The following ZMAT5 variants were observed in gnomAD, a reference collection of about 807,000 sequenced individuals.
The protein encoded by ZMAT5 is zinc finger matrin-type 5, also known as zinc finger matrin-type protein 5.
A neutral mutation model predicts 28.0 loss-of-function variants in ZMAT5; 23 were observed. The observed-to-expected ratio is 0.82, with a 90% CI of 0.59 to 1.16. The LOEUF is 1.16. Among genes scored for constraint, ZMAT5 ranks in the 50% most tolerant of loss-of-function variants. The pLI is 0.00. For synonymous variants in ZMAT5, 76 were observed against 84.1 expected (o/e 0.90, Z 0.52); for missense variants, 173 against 212.7 (o/e 0.81, Z 1.16).
chr22:29,734,764 G>A (rs1174680926), intron 5 of ZMAT5, among the ~76,000 whole-genome samples: 1 of 152,226 alleles, frequency 6.6e-6, no homozygotes, highest in Non-Finnish European at 1.5e-5. Flanking sequence ...CACCAGTCAG[G>A]CCAGAGGCAA....
intron 5 of ZMAT5, 60 bp from the exon 6 acceptor site, chr22:29,731,414 C>A: frequency 6.6e-7 from 1 of 1,511,056 alleles, no homozygotes; most frequent in Admixed American, 2.7e-5. Flanking sequence ...GCTTATGCCA[C>A]CCCCAGCCCA....
intron 1 of ZMAT5, among the ~76,000 whole-genome samples, chr22:29,755,559 C>G (rs1037815933): frequency 6.6e-6 from 1 of 152,024 alleles, no homozygotes; most frequent in Non-Finnish European, 1.5e-5. Flanking sequence ...CTTGGCACTT[C>G]GCTTTCATTC....
intron 2 of ZMAT5, among the ~76,000 whole-genome samples, chr22:29,744,634 T>C (rs2067993463): frequency 6.6e-6 from 1 of 152,138 alleles, no homozygotes; most frequent in Non-Finnish European, 1.5e-5. Context: ...GCCTGGGTCC[T>C]ATACAAGGGG....
intron 5 of ZMAT5, among the ~76,000 whole-genome samples, chr22:29,734,117 G>C (rs2067881123): frequency 6.6e-6 from 1 of 152,250 alleles, no homozygotes. Flanking sequence ...AAGAGGGATA[G>C]AGTCGCAAAC....
chr22:29,764,603 C>T (rs1260805043), intron 1 of ZMAT5, among the ~76,000 whole-genome samples: 1 of 152,112 alleles, frequency 6.6e-6, no homozygotes. Context: ...CAGGTTCAAG[C>T]GATTCTCCTG....
At chr22:29,749,537 C>A (rs914168313) in intron 1 of ZMAT5, among the ~76,000 whole-genome samples, 1 of 152,198 alleles carries the variant, frequency 6.6e-6, no homozygotes, top group African/African-American at 2.4e-5. Flanking sequence ...CCCCTCCTGA[C>A]CCCTTCCATC....
chr22:29,763,030 T>A (rs1011224400), intron 1 of ZMAT5, among the ~76,000 whole-genome samples: 16 of 151,792 alleles, frequency 1.1e-4, no homozygotes, highest in Non-Finnish European at 1.8e-4. Context: ...TACAAAAAAA[T>A]TTTTTTAAAT....
At chr22:29,757,447 T>A (rs1327783469) in intron 1 of ZMAT5, among the ~76,000 whole-genome samples, 1 of 152,158 alleles carries the variant, frequency 6.6e-6, no homozygotes, top group Non-Finnish European at 1.5e-5. Flanking sequence ...ACTGCTTACC[T>A]CTGAGCTTCA....
At chr22:29,751,049 T>C (rs140126) in intron 1 of ZMAT5, among the ~76,000 whole-genome samples, 81,097 of 152,034 alleles carry the variant, frequency 0.53, 22,010 homozygotes, top group East Asian at 0.62. Context: ...CCCCATCTTG[T>C]CAATAAACTT....
Position 29,738,338 on chromosome 22 carries a change from T to C in ZMAT5, c.375A>G (p.Pro125=). 1.2e-6 allele frequency: 2 copies of C among 1,608,202 alleles called. No individual in the cohort carries two copies. The highest frequency in any genetic ancestry group is 1.7e-5 in the Admixed American group (1 of 59,792). ...EKRAKRLSSA[P]SSRAEPIRTT... ...ACCCTGGGGACCTGTACCTGCTACT[T>C]GGGGCTGAGCTCAGCCGCTTGGCTC... is the stretch of plus-strand genomic sequence containing the variant. The change falls in exon 5 of 6, where the codon CCA becomes CCG. Residue 125 remains proline (P), a synonymous_variant. Transcript: ENST00000344318.
chr22:29,732,509 G>A (rs527407157), intron 5 of ZMAT5, among the ~76,000 whole-genome samples: 42 of 152,210 alleles, frequency 2.8e-4, no homozygotes, highest in Admixed American at 7.9e-4. Context: ...AGGCCAAGGC[G>A]GGTGGATCAC....
At chr22:29,743,851 C>G (rs2067986087) in intron 2 of ZMAT5, among the ~76,000 whole-genome samples, 1 of 152,136 alleles carries the variant, frequency 6.6e-6, no homozygotes, top group South Asian at 2.1e-4. Context: ...ACTCAGGAAC[C>G]CTTATATCCA....
Position 29,731,090 on chromosome 22 carries a change from G to T in ZMAT5, c.*135C>A. On this transcript the variant is annotated 3_prime_UTR_variant, in exon 6 of 6. Transcript: ENST00000344318. Reference sequence around the variant, plus strand: ...CAGGACGAGGGCTGCACTTGGTGTGGCCGTGTCCTGAGCCTCAGTGAGGCT... The same window carrying T: ...CAGGACGAGGGCTGCACTTGGTGTGTCCGTGTCCTGAGCCTCAGTGAGGCT... 2 of 975,850 alleles carry T rather than the reference G, an allele frequency of 2.0e-6. No homozygotes were observed. Among genetic ancestry groups the T allele is most frequent in the Non-Finnish European group, 2.9e-6 (2 of 701,750 alleles). The allele number at this position is 975,850 out of a possible 1,614,324, so 60.4% of individuals were successfully genotyped here.
chr22:29,734,618 A>C (rs1270510760), intron 5 of ZMAT5, among the ~76,000 whole-genome samples: 1 of 152,138 alleles, frequency 6.6e-6, no homozygotes, highest in Non-Finnish European at 1.5e-5. Flanking sequence ...TGTCTCAGCT[A>C]GAGCTTCCAG....
intron 1 of ZMAT5, among the ~76,000 whole-genome samples, chr22:29,753,158 T>A (rs1031958589): frequency 2.0e-5 from 3 of 152,226 alleles, no homozygotes; most frequent in African/African-American, 7.2e-5. Context: ...ATCCAGTCGC[T>A]ACTGCTTCCT....
At chr22:29,759,007 C>T (rs1430911584) in intron 1 of ZMAT5, 5 of 152,240 alleles carry the variant, frequency 3.3e-5, no homozygotes, top group African/African-American at 7.2e-5. Flanking sequence ...ATAGAGCAGA[C>T]ATTCCCCTCA....
chr22:29,747,513 C>T (rs2068018724), intron 2 of ZMAT5: 1 of 152,464 alleles, frequency 6.6e-6, no homozygotes, highest in African/African-American at 2.4e-5. Flanking sequence ...GCTCACCAAC[C>T]TACAGGGCAT....
chr22:29,735,333 C>T (rs1449203489), intron 5 of ZMAT5, among the ~76,000 whole-genome samples: 2 of 152,210 alleles, frequency 1.3e-5, no homozygotes, highest in Non-Finnish European at 2.9e-5. Context: ...GGCCCCAAGC[C>T]CTCAGGAGGC....
chr22:29,755,370 A>AGGGAGGGGGGGG (rs1569340089), intron 1 of ZMAT5, among the ~76,000 whole-genome samples: 1 of 94,836 alleles, frequency 1.1e-5, no homozygotes, highest in Non-Finnish European at 2.2e-5. Flanking sequence ...AGGGAGGGGG[A>AGGGAGGGGGGGG]GAGAGAGAGA....
Sources: allele counts gnomAD v4.1 joint callset (sites outside exome capture counted in the v4.1 genomes callset), GRCh38; gene constraint gnomAD v4.1.1; transcripts MANE v1.5; gene names NCBI Gene and HGNC (gene_info 2026-07-23, HGNC 2026-07-21).